The following STAG2 variants were observed in gnomAD, a reference collection of about 807,000 sequenced individuals.
The protein encoded by STAG2 is cohesin subunit SA-2.
Under a neutral mutation model 108.1 loss-of-function variants are expected in STAG2, and 14 were observed. The observed-to-expected ratio is 0.13, with a 90% CI of 0.09 to 0.20. The LOEUF is 0.20. STAG2 is among the 10% of genes least tolerant of loss of function. The pLI, the probability that STAG2 is intolerant of heterozygous loss-of-function variation, is 1.00. For missense variants in STAG2, 440 were observed against 940.9 expected, an observed-to-expected ratio of 0.47 and a Z score of 6.96; for synonymous variants, 307 against 302.7, an observed-to-expected ratio of 1.01 and a Z score of -0.15.
chrX:124,000,890 T>C (rs1313304069), intron 1 of STAG2, among the ~76,000 whole-genome samples: 2 of 110,809 alleles, frequency 1.8e-5, no homozygotes, highest in African/African-American at 6.6e-5. Context: ...TGTCTTAGCG[T>C]TTAACGAAAA....
intron 20 of STAG2, among the ~76,000 whole-genome samples, chrX:124,064,439 A>G (rs1053882404): frequency 4.7e-5 from 5 of 107,087 alleles, no homozygotes; most frequent in Admixed American, 1.0e-4. Context: ...AGGGAAGGAC[A>G]TTATGTTTTT....
Position 124,094,108 on chromosome X carries a change from T to C in STAG2, c.3669T>C (p.Asn1223=), listed in dbSNP as rs372132155. The C allele has an allele frequency of 2.5e-4, 296 of 1,205,732 alleles. 1 individual carries two copies. The highest frequency in any genetic ancestry group is 3.3e-4 in the Non-Finnish European group (292 of 891,740). The change falls in exon 33 of 35, where the codon AAT becomes AAC. Residue 1223 remains asparagine (N), a synonymous_variant. Transcript: ENST00000371145. The part of the protein sequence containing the change: ...MSSEGRIEDL[N]EGMDFDTMDI... Reference sequence around the variant, plus strand: ...CAGAAGGGAGGATTGAGGATCTTAATGAGGGAATGGATTTTGACACCATGG... The same window carrying C: ...CAGAAGGGAGGATTGAGGATCTTAACGAGGGAATGGATTTTGACACCATGG...
chrX:124,053,863 A>G (rs2058113167), intron 13 of STAG2, among the ~76,000 whole-genome samples: 1 of 112,382 alleles, frequency 8.9e-6, no homozygotes, highest in African/African-American at 3.2e-5. Context: ...ATTTCTGCAA[A>G]TCAATTAAAG....
At chrX:124,029,525 G>C (rs1185041953) in intron 4 of STAG2, among the ~76,000 whole-genome samples, 1 of 107,903 alleles carries the variant, frequency 9.3e-6, no homozygotes, top group Non-Finnish European at 1.9e-5. Context: ...TGGCCAGGCT[G>C]GTCTCGAACT....
chrX:124,077,168 C>T (rs183585855), intron 26 of STAG2, among the ~76,000 whole-genome samples: 185 of 110,663 alleles, frequency 1.7e-3, no homozygotes, highest in African/African-American at 5.9e-3. Context: ...AGTTAATCCT[C>T]TCTGGAATAT....
chrX:124,081,791 G>T (rs2058968123), intron 28 of STAG2, among the ~76,000 whole-genome samples: 1 of 111,736 alleles, frequency 8.9e-6, no homozygotes, highest in Admixed American at 9.5e-5. Context: ...CTTGAGGCCA[G>T]TAGTTTGAGA....
chrX:124,082,487 T>A (rs1391622655), intron 28 of STAG2, among the ~76,000 whole-genome samples: 1 of 111,946 alleles, frequency 8.9e-6, no homozygotes, highest in Non-Finnish European at 1.9e-5. Context: ...ATAAAAGTGC[T>A]AACTGTCTCT....
chrX:124,026,041 G>C, intron 4 of STAG2, 123 bp downstream of exon 4: 1 of 412,081 alleles, frequency 2.4e-6, no homozygotes, highest in Admixed American at 4.3e-5. Flanking sequence ...GAGCTGATTG[G>C]TATGGTAAGC....
chrX:124,008,583 ATCC>A (rs1054904293), intron 1 of STAG2, among the ~76,000 whole-genome samples: 3 of 111,084 alleles, frequency 2.7e-5, no homozygotes, highest in Non-Finnish European at 5.7e-5. Flanking sequence ...GGCTCAAGTA[ATCC>A]TCCTGCCTCA....
intron 1 of STAG2, among the ~76,000 whole-genome samples, chrX:123,974,148 T>G: frequency 9.0e-6 from 1 of 111,284 alleles, no homozygotes; most frequent in Non-Finnish European, 1.9e-5. Flanking sequence ...ACCGAGGGCT[T>G]TAATGTAGCC....
At chrX:124,066,143 A>ATTTTTTTTTTTTTT in intron 21 of STAG2, 32 bp from the exon 22 acceptor site, 1 of 422,534 alleles carries the variant, frequency 2.4e-6, no homozygotes, top group Non-Finnish European at 3.1e-6. Flanking sequence ...ATAAAACTTA[A>ATTTTTTTTTTTTTT]TTTTTTTTTT....
chrX:124,075,381 C>T (rs1284112780), intron 25 of STAG2, among the ~76,000 whole-genome samples: 2 of 111,506 alleles, frequency 1.8e-5, no homozygotes, highest in Non-Finnish European at 3.8e-5. Context: ...TCAAGCAATT[C>T]TCCTGCCTCA....
intron 6 of STAG2, among the ~76,000 whole-genome samples, chrX:124,039,434 C>G (rs948120128): frequency 5.5e-5 from 6 of 109,504 alleles, no homozygotes; most frequent in Non-Finnish European, 1.1e-4. Context: ...CAGGCGTGCA[C>G]CACCATGCCC....
chrX:124,074,348 A>G (rs985492041), intron 25 of STAG2, among the ~76,000 whole-genome samples: 2 of 112,779 alleles, frequency 1.8e-5, no homozygotes, highest in Non-Finnish European at 1.9e-5. Context: ...ATTTTTAGAC[A>G]TTTAGGTTAT....
At chrX:124,081,871 C>G (rs981562641) in intron 28 of STAG2, among the ~76,000 whole-genome samples, 6 of 111,049 alleles carry the variant, frequency 5.4e-5, no homozygotes, top group Non-Finnish European at 1.1e-4. Flanking sequence ...TGGGGGTGTG[C>G]ACCTCTAGTC....
At chrX:123,991,609 T>A (rs1191175552) in intron 1 of STAG2, among the ~76,000 whole-genome samples, 1 of 110,596 alleles carries the variant, frequency 9.0e-6, no homozygotes, top group Non-Finnish European at 1.9e-5. Context: ...CGCCTCTGCC[T>A]CCCTAAGTGC....
intron 1 of STAG2, among the ~76,000 whole-genome samples, chrX:123,994,126 C>G (rs2055614022): frequency 9.0e-6 from 1 of 111,591 alleles, no homozygotes. Flanking sequence ...TGGTTACTTG[C>G]TAGGTCAAAA....
In STAG2 at chrX:124,091,609, C is replaced by CA. The variant is rs754629457; in HGVS notation, c.3578+646dup. Among the ~76,000 whole-genome samples the CA allele has an allele frequency of 6.8e-3, 761 of 112,262 alleles. 2 individuals are homozygous for CA. Among genetic ancestry groups the CA allele is most frequent in the Non-Finnish European group, 0.012 (618 of 53,252 alleles). On this transcript the variant is annotated intron_variant, in intron 32 of 34. Coordinates refer to ENST00000371145, the MANE Select transcript of STAG2 (RefSeq NM_001042750.2). ...ATCATAAAAGAACAAGCTCAGGTGT[C>CA]ACTTTAACTGAAGCTTTGGTCATCT...
intron 1 of STAG2, among the ~76,000 whole-genome samples, chrX:123,964,828 A>C (rs1401728836): frequency 2.7e-5 from 3 of 110,514 alleles, no homozygotes; most frequent in South Asian, 3.8e-4. Flanking sequence ...TGATATGTAA[A>C]ATATTTCAAT....
Sources: gnomAD v4.1 joint callset for allele counts (sites outside exome capture counted in the v4.1 genomes callset) on GRCh38, gnomAD v4.1.1 for gene constraint, MANE v1.5 for transcripts, NCBI Gene and HGNC (gene_info 2026-07-23, HGNC 2026-07-21) for gene names.